GRID1: variants seen among roughly 807,000 people sequenced by gnomAD.
The protein encoded by GRID1 is glutamate ionotropic receptor delta type subunit 1.
A neutral mutation model predicts 98.0 loss-of-function variants in GRID1; 28 were observed. The ratio of observed to expected loss-of-function variants is 0.29; its 90% CI spans 0.21 to 0.39. GRID1 has a LOEUF of 0.39. Among genes scored for constraint, GRID1 ranks in the 10% least tolerant of loss-of-function variants. The pLI is 1.00. For synonymous variants in GRID1, 553 were observed against 538.5 expected (o/e 1.03, Z -0.37); for missense variants, 1,111 against 1,340.5 (o/e 0.83, Z 2.67).
intron 3 of GRID1, among the ~76,000 whole-genome samples, chr10:86,177,837 C>T (rs1159224799): frequency 6.6e-6 from 1 of 150,380 alleles, no homozygotes; most frequent in Non-Finnish European, 1.5e-5. Flanking sequence ...GTGCACGAGA[C>T]AGACAGAGAC....
chr10:86,088,582 A>T (rs1349219526), intron 4 of GRID1, among the ~76,000 whole-genome samples: 1 of 152,180 alleles, frequency 6.6e-6, no homozygotes, highest in East Asian at 1.9e-4. Flanking sequence ...GCTGGGAGGA[A>T]CTTCAGATGA....
At chr10:85,683,584 G>T (rs1294148270) in intron 12 of GRID1, among the ~76,000 whole-genome samples, 3 of 152,126 alleles carry the variant, frequency 2.0e-5, no homozygotes, top group Admixed American at 2.0e-4. Context: ...CAGTTGTAAA[G>T]AAAATTGCCA....
chr10:85,709,972 A>G (rs1223336456), intron 12 of GRID1, among the ~76,000 whole-genome samples: 1 of 152,196 alleles, frequency 6.6e-6, no homozygotes. Flanking sequence ...AACATTGCTA[A>G]AAAGAAATTA....
intron 5 of GRID1, among the ~76,000 whole-genome samples, chr10:85,887,368 C>G (rs539832936): frequency 6.6e-6 from 1 of 152,134 alleles, no homozygotes; most frequent in Non-Finnish European, 1.5e-5. Flanking sequence ...ATTAGCTGCC[C>G]CCTAAAAACT....
At chr10:86,038,089 A>C (rs1843294022) in intron 4 of GRID1, among the ~76,000 whole-genome samples, 1 of 152,180 alleles carries the variant, frequency 6.6e-6, no homozygotes, top group Admixed American at 6.5e-5. Flanking sequence ...AACATGTACA[A>C]TCTAAGGAGA....
chr10:85,674,850 G>A (rs1841126707), intron 12 of GRID1, among the ~76,000 whole-genome samples: 1 of 152,118 alleles, frequency 6.6e-6, no homozygotes, highest in Non-Finnish European at 1.5e-5. Flanking sequence ...GACTCACTAT[G>A]TCCTTTATCT....
At chr10:85,990,544 C>A (rs770396724) in intron 4 of GRID1, among the ~76,000 whole-genome samples, 4 of 152,164 alleles carry the variant, frequency 2.6e-5, no homozygotes, top group Non-Finnish European at 4.4e-5. Flanking sequence ...AACCGAGGTG[C>A]CCTTAAGAAA....
chr10:85,878,588 C>T (rs1018319900), intron 5 of GRID1, among the ~76,000 whole-genome samples: 10 of 152,070 alleles, frequency 6.6e-5, no homozygotes, highest in Non-Finnish European at 1.5e-4. Flanking sequence ...TTTGTCACCA[C>T]CAGGCCTGCC....
At chr10:86,162,824 TGCCC>T (rs549802620) in intron 3 of GRID1, among the ~76,000 whole-genome samples, 2 of 152,276 alleles carry the variant, frequency 1.3e-5, no homozygotes, top group Admixed American at 1.3e-4. Flanking sequence ...TTCTGGGTCA[TGCCC>T]TGTGCACAGG....
At chr10:85,606,150 A>G (rs924333767) in intron 15 of GRID1, 1 of 152,140 alleles carries the variant, frequency 6.6e-6, no homozygotes, top group Admixed American at 6.5e-5. Flanking sequence ...AGTTTATTTT[A>G]CTCACATTTT....
intron 8 of GRID1, among the ~76,000 whole-genome samples, chr10:85,853,554 C>T (rs904395441): frequency 5.3e-5 from 8 of 150,100 alleles, no homozygotes; most frequent in Non-Finnish European, 1.0e-4. Flanking sequence ...CACTGTGGCC[C>T]ATCTACACCA....
At chr10:85,820,365 G>C (rs1252633312) in intron 8 of GRID1, among the ~76,000 whole-genome samples, 1 of 152,102 alleles carries the variant, frequency 6.6e-6, no homozygotes, top group African/African-American at 2.4e-5. Flanking sequence ...AAAAGGAAAA[G>C]AACATTAGTA....
chr10:85,727,790 G>A, intron 10 of GRID1, 65 bp downstream of exon 10: 2 of 1,264,420 alleles, frequency 1.6e-6, no homozygotes, highest in Non-Finnish European at 2.3e-6. Context: ...AATTGGTCAA[G>A]TTTAGATATT....
chr10:86,199,075 C>G (rs941293440), intron 3 of GRID1, among the ~76,000 whole-genome samples: 6 of 152,088 alleles, frequency 3.9e-5, no homozygotes, highest in Non-Finnish European at 7.4e-5. Flanking sequence ...TGATGCAAAA[C>G]TCAAAAAGTA....
intron 5 of GRID1, among the ~76,000 whole-genome samples, chr10:85,878,572 A>G (rs1364827226): frequency 3.3e-5 from 5 of 152,164 alleles, no homozygotes; most frequent in Non-Finnish European, 7.4e-5. Context: ...GCAAATGCTG[A>G]GAGATTTTGT....
intron 4 of GRID1, among the ~76,000 whole-genome samples, chr10:85,950,161 C>G (rs1326427716): frequency 6.6e-6 from 1 of 152,160 alleles, no homozygotes; most frequent in East Asian, 1.9e-4. Context: ...AGGGAGCAGA[C>G]AAAACACAGT....
chr10:85,834,176 A>G (rs1439236745), intron 8 of GRID1, among the ~76,000 whole-genome samples: 2 of 152,218 alleles, frequency 1.3e-5, no homozygotes, highest in African/African-American at 4.8e-5. Flanking sequence ...CCATGTCAAG[A>G]CATATCATAA....
intron 8 of GRID1, among the ~76,000 whole-genome samples, chr10:85,771,124 T>C (rs967469071): frequency 1.3e-5 from 2 of 152,238 alleles, no homozygotes; most frequent in Admixed American, 1.3e-4. Context: ...ATCGGATCTC[T>C]CGGCAGAAAC....
chr10:85,693,072 T>G (rs762295859), intron 12 of GRID1, among the ~76,000 whole-genome samples: 41 of 152,116 alleles, frequency 2.7e-4, no homozygotes, highest in Non-Finnish European at 5.4e-4. Flanking sequence ...TGGAGAAAGA[T>G]TTGAGGGAGT....
Sources: allele counts gnomAD v4.1 joint callset (sites outside exome capture counted in the v4.1 genomes callset), GRCh38; gene constraint gnomAD v4.1.1; transcripts MANE v1.5; gene names NCBI Gene and HGNC (gene_info 2026-07-23, HGNC 2026-07-21).